The following L3MBTL1 variants were observed in gnomAD, a reference collection of about 807,000 sequenced individuals.
The protein encoded by L3MBTL1 is L3MBTL histone methyl-lysine binding protein 1.
Under a neutral mutation model 105.3 loss-of-function variants are expected in L3MBTL1, and 75 were observed. That is an observed-to-expected ratio of 0.71 (90% confidence interval 0.59 to 0.86). The LOEUF is 0.86. Among genes scored for constraint, L3MBTL1 ranks in the 40% least tolerant of loss-of-function variants. L3MBTL1 has a pLI of 0.00. For synonymous variants in L3MBTL1, 452 were observed against 436.2 expected, an observed-to-expected ratio of 1.04 and a Z score of -0.45; for missense variants, 1,069 against 1,126.4, an observed-to-expected ratio of 0.95 and a Z score of 0.73.
In L3MBTL1 at chr20:43,541,792, A is replaced by G; in HGVS notation, c.*664A>G. The G allele has an allele frequency of 3.1e-6, 3 of 977,652 alleles. No homozygotes were observed. Among genetic ancestry groups the G allele is most frequent in the South Asian group, 4.7e-5 (1 of 21,184 alleles). 60.6% of individuals were successfully genotyped at this position (977,652 alleles called of 1,614,324 possible). A position where few individuals can be genotyped will look rare whatever the true frequency, so the allele number is the denominator to read the frequency against. ...TAGCATATGGCTGTGTATCACTAGT[A>G]TATAATAGAGCAATATTATGGAGGA... On this transcript the variant is annotated 3_prime_UTR_variant, in exon 22 of 22. Coordinates refer to ENST00000418998, the MANE Select transcript of L3MBTL1 (RefSeq NM_001377303.1).
In L3MBTL1 at chr20:43,534,956, G is replaced by A; in HGVS notation, c.1825+14G>A. 1 of 1,551,920 alleles carries A rather than the reference G, an allele frequency of 6.4e-7. No homozygotes were observed. Among genetic ancestry groups the A allele is most frequent in the Non-Finnish European group, 8.7e-7 (1 of 1,143,380 alleles). On this transcript the variant is annotated intron_variant, in intron 16 of 21. Transcript: ENST00000418998. The stretch of plus-strand genomic sequence containing the variant: ...AGCCTCCTCTCGGTGTGTACCCCTA[G>A]GGCACTCTGATCTTTTCCTTTCCCC...
intron 19 of L3MBTL1, 65 bp downstream of exon 19, chr20:43,536,523 T>C (rs2019641210): frequency 1.3e-6 from 2 of 1,561,604 alleles, no homozygotes; most frequent in Non-Finnish European, 1.8e-6. Context: ...TGCTCTGTCA[T>C]TGGTGGGATG....
At chr20:43,511,519 C>T (rs1006225397) in intron 1 of L3MBTL1, among the ~76,000 whole-genome samples, 1 of 152,126 alleles carries the variant, frequency 6.6e-6, no homozygotes, top group Non-Finnish European at 1.5e-5. Context: ...CGATGGCTCA[C>T]GCCTATAAAC....
chr20:43,549,764 G>T, exon 19 of L3MBTL1: 1 of 152,382 alleles, frequency 6.6e-6, no homozygotes. Flanking sequence ...GGCACTCTCA[G>T]AAGTGTTTGA....
chr20:43,525,213 G>C (rs1366413965), intron 7 of L3MBTL1, among the ~76,000 whole-genome samples: 1 of 152,096 alleles, frequency 6.6e-6, no homozygotes, highest in South Asian at 2.1e-4. Context: ...AACGAATACC[G>C]AAAGGGCCAC....
At chr20:43,507,977 C>T (rs577413689) in intron 1 of L3MBTL1, among the ~76,000 whole-genome samples, 1 of 152,234 alleles carries the variant, frequency 6.6e-6, no homozygotes, top group Admixed American at 6.5e-5. Context: ...CCCAGCCGAC[C>T]CTGCGGCGTG....
At chr20:43,524,123 AACTT>A (rs1293479079) in intron 7 of L3MBTL1, among the ~76,000 whole-genome samples, 2 of 152,160 alleles carry the variant, frequency 1.3e-5, no homozygotes, top group Non-Finnish European at 2.9e-5. Context: ...TCTTTCCAGA[AACTT>A]ACTAATTTTA....
chr20:43,526,599 A>C (rs1465924651), intron 7 of L3MBTL1, among the ~76,000 whole-genome samples: 4 of 152,214 alleles, frequency 2.6e-5, no homozygotes, highest in Non-Finnish European at 4.4e-5. Flanking sequence ...GTTGTGGCCC[A>C]ACTGGATCAG....
At chr20:43,528,517 G>A (rs2019149863) in intron 7 of L3MBTL1, 140 bp from the exon 8 acceptor site, 2 of 655,292 alleles carry the variant, frequency 3.1e-6, no homozygotes, top group African/African-American at 3.6e-5. Flanking sequence ...CACCATCATG[G>A]TGGGTGGGAC....
At chr20:43,526,105 G>T (rs1249962620) in intron 7 of L3MBTL1, among the ~76,000 whole-genome samples, 1 of 152,192 alleles carries the variant, frequency 6.6e-6, no homozygotes, top group Admixed American at 6.5e-5. Context: ...TCAGAGCTTG[G>T]TCTCTGGAGT....
intron 7 of L3MBTL1, chr20:43,523,478 T>C (rs1428244493): frequency 3.2e-5 from 8 of 249,236 alleles, no homozygotes; most frequent in Non-Finnish European, 2.5e-5. Flanking sequence ...CTACCTGCTT[T>C]TGCATAGTCA....
At chr20:43,521,185 A>G (rs180720421) in intron 7 of L3MBTL1, among the ~76,000 whole-genome samples, 1 of 152,332 alleles carries the variant, frequency 6.6e-6, no homozygotes, top group East Asian at 1.9e-4. Context: ...CAAACACACA[A>G]ATATCTCTGT....
chr20:43,535,958 G>T (rs1392718626), intron 17 of L3MBTL1, 22 bp downstream of exon 17: 1 of 1,603,372 alleles, frequency 6.2e-7, no homozygotes, highest in Admixed American at 1.7e-5. Context: ...TTCCTGGTGA[G>T]AGACCCTCAG....
chr20:43,510,409 T>TCTTTCTTTC lies in L3MBTL1; in HGVS notation c.-29+2665_-29+2666insCTTTCTTTC, dbSNP rs548216947. ...AATTTTCTTTCTTTCTTTCTTTCTT[T>TCTTTCTTTC]TTTTTTTTTTTTTGAGGTGGAGTCT... On this transcript the variant is annotated intron_variant, in intron 1 of 21. Coordinates refer to ENST00000418998, the MANE Select transcript of L3MBTL1 (RefSeq NM_001377303.1). 6.5e-3 allele frequency among the ~76,000 whole-genome samples: 926 copies of TCTTTCTTTC among 141,880 alleles called. 4 individuals are homozygous for TCTTTCTTTC. Among genetic ancestry groups the TCTTTCTTTC allele is most frequent in the African/African-American group, 0.022 (820 of 36,694 alleles). 93.1% of individuals were successfully genotyped at this position (141,880 alleles called of 152,430 possible).
intron 16 of L3MBTL1, 36 bp from the exon 17 acceptor site, chr20:43,535,801 G>A (rs966995083): frequency 1.1e-5 from 15 of 1,395,600 alleles, no homozygotes; most frequent in Non-Finnish European, 1.4e-5. Flanking sequence ...CCACCCCCAG[G>A]ACTCCATGAG....
At chr20:43,530,237 G>A in intron 9 of L3MBTL1, 47 bp from the exon 10 acceptor site, 1 of 1,612,026 alleles carries the variant, frequency 6.2e-7, no homozygotes, top group Middle Eastern at 1.7e-4. Context: ...GATGGGGAGT[G>A]GGGCATCTCC....
intron 13 of L3MBTL1, 80 bp downstream of exon 13, chr20:43,533,498 C>T: frequency 8.3e-7 from 1 of 1,204,862 alleles, no homozygotes; most frequent in South Asian, 1.4e-5. Flanking sequence ...CCAGTAGTGC[C>T]CCAGTAGCTG....
chr20:43,541,209 C>A lies in L3MBTL1; in HGVS notation c.*81C>A, dbSNP rs893834173. 1.4e-5 allele frequency: 21 copies of A among 1,549,056 alleles called. No homozygotes were observed. Among genetic ancestry groups the A allele is most frequent in the Non-Finnish European group, 1.7e-5 (19 of 1,146,890 alleles). On this transcript the variant is annotated 3_prime_UTR_variant, in exon 22 of 22. Coordinates refer to ENST00000418998, the MANE Select transcript of L3MBTL1 (RefSeq NM_001377303.1). Reference sequence around the variant, plus strand: ...ATGACACAGATATTGTGATTTACTGCAAGGATCCTAACACACACTTAAAAT... The same window carrying A: ...ATGACACAGATATTGTGATTTACTGAAAGGATCCTAACACACACTTAAAAT...
intron 7 of L3MBTL1, 136 bp from the exon 8 acceptor site, chr20:43,528,521 G>A: frequency 3.0e-6 from 2 of 664,548 alleles, no homozygotes; most frequent in South Asian, 3.5e-5. Context: ...ATCATGGTGG[G>A]TGGGACCAGA....
Sources: gnomAD v4.1 joint callset for allele counts (sites outside exome capture counted in the v4.1 genomes callset) on GRCh38, gnomAD v4.1.1 for gene constraint, MANE v1.5 for transcripts, NCBI Gene and HGNC (gene_info 2026-07-23, HGNC 2026-07-21) for gene names.